Variants in DTNBP1 observed in about 807,000 individuals in gnomAD.
DTNBP1 encodes the protein dysbindin.
A neutral mutation model predicts 42.8 loss-of-function variants in DTNBP1; 35 were observed. The ratio of observed to expected loss-of-function variants is 0.82; its 90% CI spans 0.63 to 1.09. The LOEUF (loss-of-function observed/expected upper bound fraction) is 1.09. DTNBP1 is among the 50% of genes least tolerant of loss of function. DTNBP1 has a pLI of 0.00. For synonymous variants in DTNBP1, 171 were observed against 162.2 expected, an observed-to-expected ratio of 1.05 and a Z score of -0.41; for missense variants, 457 against 424.2, an observed-to-expected ratio of 1.08 and a Z score of -0.68.
intron 7 of DTNBP1, among the ~76,000 whole-genome samples, chr6:15,563,432 A>G (rs145204255): frequency 6.6e-6 from 1 of 152,346 alleles, no homozygotes; most frequent in Non-Finnish European, 1.5e-5. Context: ...CTGGACATAA[A>G]CATAGTTATA....
At chr6:15,614,996 C>A (rs1013785686) in intron 6 of DTNBP1, 1 of 530,408 alleles carries the variant, frequency 1.9e-6, no homozygotes, top group Admixed American at 2.7e-5. Flanking sequence ...GCTCAGGGCT[C>A]CTATTTTGCT....
chr6:15,605,993 A>G (rs969870280), intron 6 of DTNBP1, among the ~76,000 whole-genome samples: 4 of 152,214 alleles, frequency 2.6e-5, no homozygotes, highest in African/African-American at 9.7e-5. Context: ...ATTTATGGGT[A>G]TTTTCCCCGT....
At chr6:15,556,183 CTTT>C (rs112833362) in intron 7 of DTNBP1, among the ~76,000 whole-genome samples, 2 of 140,118 alleles carry the variant, frequency 1.4e-5, no homozygotes. Context: ...GTTAAAAAAT[CTTT>C]TTTTTTTTTT....
In DTNBP1 at chr6:15,522,958, A is replaced by G. The variant is rs1771999826; in HGVS notation, c.*17T>C. On this transcript the variant is annotated 3_prime_UTR_variant, in exon 10 of 10. Transcript: ENST00000344537. ...AAACTGGATTCCAGTGTGGCCAGACAACGCCCATGTCCCAATTTAAGAGTC... is the reference window on the plus strand; with the variant it reads ...AAACTGGATTCCAGTGTGGCCAGACGACGCCCATGTCCCAATTTAAGAGTC... 1.9e-6 allele frequency: 3 copies of G among 1,614,080 alleles called. No homozygotes were observed. The highest frequency in any genetic ancestry group is 1.3e-5 in the African/African-American group (1 of 74,938).
chr6:15,577,821 C>A (rs2113557474), intron 7 of DTNBP1, among the ~76,000 whole-genome samples: 1 of 152,134 alleles, frequency 6.6e-6, no homozygotes, highest in East Asian at 1.9e-4. Context: ...AAGGATTAAC[C>A]CCAGAGGCAC....
chr6:15,617,950 G>A (rs546310388), intron 5 of DTNBP1, among the ~76,000 whole-genome samples: 28 of 152,182 alleles, frequency 1.8e-4, no homozygotes, highest in Admixed American at 5.9e-4. Flanking sequence ...AGCAAAATGG[G>A]AGAAAATACC....
intron 1 of DTNBP1, among the ~76,000 whole-genome samples, chr6:15,662,524 G>C (rs1212589655): frequency 6.6e-6 from 1 of 152,224 alleles, no homozygotes; most frequent in Non-Finnish European, 1.5e-5. Flanking sequence ...GATGCTGCCG[G>C]GAAAGGACCG....
Position 15,533,342 on chromosome 6 carries a change from G to A in DTNBP1, c.565C>T (p.Gln189Ter). Residue 189 changes from glutamine to a stop codon, truncating the protein, a stop_gained, in exon 8 of 10, where the codon CAA becomes TAA. Transcript: ENST00000344537. LOFTEE classifies it high-confidence loss of function. ...TTCTGCCGCTCCTTCAGCTTCATTT[G>A]CTGGGTGTGCTCCATTTCCAGGACC... ...QKVLEMEHTQ[Q>*]MKLKERQKFF... is the part of the protein sequence containing the mutation. 1 of 1,614,240 alleles carries A rather than the reference G, an allele frequency of 6.2e-7. No homozygotes were observed. Among genetic ancestry groups the A allele is most frequent in the Non-Finnish European group, 8.5e-7 (1 of 1,180,048 alleles).
intron 7 of DTNBP1, among the ~76,000 whole-genome samples, chr6:15,564,403 C>CT (rs1305512023): frequency 6.6e-6 from 1 of 151,688 alleles, no homozygotes; most frequent in Non-Finnish European, 1.5e-5. Flanking sequence ...AAAATTTTTC[C>CT]TTTCTTTTTT....
intron 7 of DTNBP1, among the ~76,000 whole-genome samples, chr6:15,540,633 A>C (rs76537509): frequency 0.059 from 8,905 of 152,208 alleles, 402 homozygotes; most frequent in African/African-American, 0.12. Flanking sequence ...TTAGATTAGG[A>C]AACTTAAAAT....
intron 4 of DTNBP1, 71 bp downstream of exon 4, chr6:15,637,672 AT>A (rs1562006182): frequency 6.7e-7 from 1 of 1,502,840 alleles, no homozygotes; most frequent in Admixed American, 1.7e-5. Flanking sequence ...TATAAATTCA[AT>A]TTTTAAAAAA....
At chr6:15,641,516 G>A (rs902620638) in intron 3 of DTNBP1, among the ~76,000 whole-genome samples, 1 of 152,122 alleles carries the variant, frequency 6.6e-6, no homozygotes, top group Non-Finnish European at 1.5e-5. Flanking sequence ...CAAACTGTTG[G>A]AGAGTGCTCC....
intron 7 of DTNBP1, among the ~76,000 whole-genome samples, chr6:15,568,424 T>C (rs893938702): frequency 2.0e-5 from 3 of 152,220 alleles, no homozygotes; most frequent in African/African-American, 7.2e-5. Context: ...TAAATGTGTG[T>C]GCTTTTCTTT....
chr6:15,642,424 C>T (rs1760424411), intron 3 of DTNBP1, among the ~76,000 whole-genome samples: 1 of 152,188 alleles, frequency 6.6e-6, no homozygotes, highest in African/African-American at 2.4e-5. Context: ...GGATCTCTTC[C>T]CGCCACCATC....
At chr6:15,526,311 CGAG>C (rs572199319) in intron 8 of DTNBP1, among the ~76,000 whole-genome samples, 204 of 152,180 alleles carry the variant, frequency 1.3e-3, no homozygotes, top group Middle Eastern at 3.4e-3. Context: ...ACAGTCATAA[CGAG>C]GAGTCACCAA....
At chr6:15,533,094 C>A in intron 8 of DTNBP1, 146 bp downstream of exon 8, 1 of 1,244,366 alleles carries the variant, frequency 8.0e-7, no homozygotes, top group Non-Finnish European at 1.1e-6. Flanking sequence ...AGAGGTGGCC[C>A]GACGCACACA....
chr6:15,614,853 G>A (rs149492214), intron 6 of DTNBP1, among the ~76,000 whole-genome samples: 7 of 152,304 alleles, frequency 4.6e-5, no homozygotes, highest in African/African-American at 1.2e-4. Context: ...GTGTGTGACC[G>A]AGCTGAGATT....
chr6:15,524,193 C>T (rs1456600538), intron 9 of DTNBP1: 1 of 1,485,972 alleles, frequency 6.7e-7, no homozygotes, highest in East Asian at 2.8e-5. Flanking sequence ...AGAGTCCGCA[C>T]CTCCCTGCAA....
chr6:15,555,152 G>C (rs1231900189), intron 7 of DTNBP1, among the ~76,000 whole-genome samples: 2 of 150,280 alleles, frequency 1.3e-5, no homozygotes, highest in Non-Finnish European at 3.0e-5. Flanking sequence ...CAGTTACGGG[G>C]CTTAGGATTT....
Sources: allele counts gnomAD v4.1 joint callset (sites outside exome capture counted in the v4.1 genomes callset), GRCh38; gene constraint gnomAD v4.1.1; transcripts MANE v1.5; gene names NCBI Gene and HGNC (gene_info 2026-07-23, HGNC 2026-07-21).